VWA2: variants seen among roughly 807,000 people sequenced by gnomAD.
VWA2 encodes the protein von Willebrand factor A domain containing 2.
Under a neutral mutation model 70.4 loss-of-function variants are expected in VWA2, and 73 were observed. The ratio of observed to expected loss-of-function variants is 1.04; its 90% confidence interval spans 0.86 to 1.26. The LOEUF (loss-of-function observed/expected upper bound fraction) is 1.26, where lower values mean the gene tolerates loss of function less well. Among genes scored for constraint, VWA2 ranks in the 50% most tolerant of loss-of-function variants. The probability of loss-of-function intolerance (pLI) is 0.00; values close to 1 mark genes in which losing one functional copy is unlikely to be tolerated. For synonymous variants in VWA2, 407 were observed against 423.3 expected (o/e 0.96, Z 0.47); for missense variants, 1,011 against 998.5 (o/e 1.01, Z -0.17).
chr10:114,291,255 C>T lies in VWA2; in HGVS notation c.*18C>T, dbSNP rs2039569645. The T allele has an allele frequency of 6.5e-7, 1 of 1,549,478 alleles. No individual in the cohort carries two copies. The highest frequency in any genetic ancestry group is 2.0e-5 in the Admixed American group (1 of 50,904). On this transcript the variant is annotated 3_prime_UTR_variant, in exon 14 of 14. Coordinates refer to ENST00000392982, the MANE Select transcript of VWA2 (RefSeq NM_001272046.2). ...GCCCCTGAGGCACATGGCTCCCGTG[C>T]AGGAGGGCAGCAGCCGTACCCCTCC...
intron 5 of VWA2, among the ~76,000 whole-genome samples, chr10:114,262,299 T>C (rs1326175525): frequency 6.7e-6 from 1 of 149,784 alleles, no homozygotes; most frequent in Admixed American, 6.7e-5. Flanking sequence ...ATTTTGTGTA[T>C]ATTTTATATA....
intron 2 of VWA2, among the ~76,000 whole-genome samples, chr10:114,253,367 A>G (rs565318304): frequency 1.1e-5 from 1 of 91,378 alleles, no homozygotes; most frequent in Non-Finnish European, 2.1e-5. Flanking sequence ...ACCAGGGACA[A>G]AAGTTTTCAG....
At chr10:114,267,899 G>A (rs1382575812) in intron 5 of VWA2, among the ~76,000 whole-genome samples, 1 of 152,108 alleles carries the variant, frequency 6.6e-6, no homozygotes, top group Non-Finnish European at 1.5e-5. Flanking sequence ...AATAGGACCT[G>A]AAAATCTACA....
At chr10:114,281,303 C>T (rs2038091760) in intron 8 of VWA2, 1 of 152,308 alleles carries the variant, frequency 6.6e-6, no homozygotes, top group African/African-American at 2.4e-5. Context: ...TGAGGAACCG[C>T]TCCTGTGACA....
At chr10:114,248,647 TG>T (rs1228780549) in intron 1 of VWA2, 56 bp from the exon 2 acceptor site, 2 of 1,474,764 alleles carry the variant, frequency 1.4e-6, no homozygotes, top group Non-Finnish European at 1.9e-6. Flanking sequence ...CGGTGTGACT[TG>T]GGGCGTTCAC....
intron 12 of VWA2, chr10:114,289,705 A>G (rs887810621): frequency 6.7e-6 from 4 of 595,112 alleles, no homozygotes; most frequent in Admixed American, 3.0e-5. Context: ...TTTAACTAAC[A>G]TAGATAACTC....
chr10:114,246,798 A>G (rs2037082214), intron 1 of VWA2: 2 of 1,085,878 alleles, frequency 1.8e-6, no homozygotes, highest in Non-Finnish European at 2.8e-6. Context: ...TTATTTTACC[A>G]TTGACTGCTG....
chr10:114,251,759 G>A (rs569523564), intron 2 of VWA2, among the ~76,000 whole-genome samples: 13 of 151,972 alleles, frequency 8.6e-5, no homozygotes, highest in African/African-American at 2.7e-4. Flanking sequence ...GGGGTGGGCC[G>A]CAGTGGGCCC....
chr10:114,253,585 A>T, intron 2 of VWA2, 66 bp from the exon 3 acceptor site: 1 of 1,394,650 alleles, frequency 7.2e-7, no homozygotes, highest in East Asian at 2.3e-5. Context: ...AAGTCACTTA[A>T]TGTGGAGATT....
intron 3 of VWA2, 31 bp from the exon 4 acceptor site, chr10:114,254,884 G>C (rs368390427): frequency 8.6e-5 from 138 of 1,602,770 alleles, no homozygotes; most frequent in Non-Finnish European, 1.2e-4. Flanking sequence ...ACTTGCTCCT[G>C]GTTGTCATCT....
Position 114,278,837 on chromosome 10 carries a change from C to T in VWA2, c.819C>T (p.His273=). Residue 273 remains histidine (H), a synonymous_variant, in exon 8 of 14, where the codon CAC becomes CAT. Transcript: ENST00000392982. The part of the protein sequence containing the change: ...SRRTLAVLAA[H]CPFYSWKRVF... ...GGACCCTTGCGGTGCTGGCTGCACA[C>T]TGTCCCTTCTACAGGTTTGTCTGCG... 1 of 1,613,124 alleles carries T rather than the reference C, an allele frequency of 6.2e-7. No homozygotes were observed.
chr10:114,252,997 A>G (rs964343277), intron 2 of VWA2, among the ~76,000 whole-genome samples: 1 of 151,386 alleles, frequency 6.6e-6, no homozygotes, highest in Non-Finnish European at 1.5e-5. Flanking sequence ...GCACATTGAC[A>G]TTTACAAAGC....
intron 11 of VWA2, among the ~76,000 whole-genome samples, chr10:114,287,253 T>A (rs886323185): frequency 6.6e-6 from 1 of 152,108 alleles, no homozygotes; most frequent in Non-Finnish European, 1.5e-5. Flanking sequence ...CGATCATAGC[T>A]CACTGCAGCC....
intron 1 of VWA2, among the ~76,000 whole-genome samples, chr10:114,245,862 G>T (rs2037057732): frequency 6.6e-6 from 1 of 152,226 alleles, no homozygotes; most frequent in Admixed American, 6.5e-5. Context: ...AGCTGGCAGG[G>T]ACATTTGTTT....
intron 4 of VWA2, among the ~76,000 whole-genome samples, chr10:114,256,941 T>C (rs1351936316): frequency 2.0e-5 from 3 of 148,720 alleles, no homozygotes; most frequent in Admixed American, 2.0e-4. Flanking sequence ...AATTAAGAGA[T>C]GATGTAGCCT....
At chr10:114,249,926 C>T (rs767482338) in intron 2 of VWA2, among the ~76,000 whole-genome samples, 5 of 152,168 alleles carry the variant, frequency 3.3e-5, no homozygotes, top group Admixed American at 6.5e-5. Flanking sequence ...CACCACAGCC[C>T]ACTCTCCTTC....
At chr10:114,240,525 C>T (rs929747618) in intron 1 of VWA2, among the ~76,000 whole-genome samples, 1 of 152,204 alleles carries the variant, frequency 6.6e-6, no homozygotes, top group African/African-American at 2.4e-5. Context: ...GTACATTTTT[C>T]AAATTACAAG....
chr10:114,291,371 G>A lies in VWA2; in HGVS notation c.*134G>A, dbSNP rs567135790. On this transcript the variant is annotated 3_prime_UTR_variant, in exon 14 of 14. Coordinates refer to ENST00000392982, the MANE Select transcript of VWA2 (RefSeq NM_001272046.2). The stretch of plus-strand genomic sequence containing the variant: ...GTCCTTAGAATGTCTGCTTCCCGCC[G>A]TGGCCAGGACCACTATTCTCACTGA... 4.1e-5 allele frequency: 45 copies of A among 1,103,940 alleles called. No homozygotes were observed. The highest frequency in any genetic ancestry group is 2.4e-4 in the African/African-American group (15 of 62,592). The allele number at this position is 1,103,940 out of a possible 1,614,324, so 68.4% of individuals were successfully genotyped here.
chr10:114,280,433 G>A (rs1015698263), intron 8 of VWA2, among the ~76,000 whole-genome samples: 5 of 152,220 alleles, frequency 3.3e-5, no homozygotes, highest in Admixed American at 6.5e-5. Flanking sequence ...GGATGCGGTG[G>A]GGTAGGCGGG....
Sources: gnomAD v4.1 joint callset for allele counts (sites outside exome capture counted in the v4.1 genomes callset) on GRCh38, gnomAD v4.1.1 for gene constraint, MANE v1.5 for transcripts, NCBI Gene and HGNC (gene_info 2026-07-23, HGNC 2026-07-21) for gene names.